Variants in KIAA1671 observed in about 807,000 individuals in gnomAD.
The protein encoded by KIAA1671 is KIAA1671.
A neutral mutation model predicts 131.2 loss-of-function variants in KIAA1671; 52 were observed. The ratio of observed to expected loss-of-function variants is 0.40; its 90% CI spans 0.32 to 0.50. The LOEUF (loss-of-function observed/expected upper bound fraction) is 0.50, where lower values mean the gene tolerates loss of function less well. KIAA1671 is among the 20% of genes least tolerant of loss of function. KIAA1671 has a pLI of 0.73. For synonymous variants in KIAA1671, 1,003 were observed against 961.6 expected, an observed-to-expected ratio of 1.04 and a Z score of -0.80; for missense variants, 2,360 against 2,364.2, an observed-to-expected ratio of 1.00 and a Z score of 0.04.
At chr22:25,078,253 A>G (rs1048828269) in intron 6 of KIAA1671, among the ~76,000 whole-genome samples, 1 of 152,130 alleles carries the variant, frequency 6.6e-6, no homozygotes, top group Admixed American at 6.5e-5. Flanking sequence ...GGCCAGGTGC[A>G]GTGGTTCACG....
rs1555956638 is a variant in KIAA1671 at position 25,033,585 on chromosome 22, T to TTTTTG, written c.1629+893_1629+894insGTTTT. ...GTTGGTTTGTTTTCGTTTTTTTTTT[T>TTTTTG]TTTTTTTTTTTTTGATGGAGTCTCC... On this transcript the variant is annotated intron_variant, in intron 4 of 12. Coordinates refer to ENST00000358431, the MANE Select transcript of KIAA1671 (RefSeq NM_001145206.2). Among the ~76,000 whole-genome samples the TTTTTG allele has an allele frequency of 7.3e-3, 914 of 125,628 alleles. 36 individuals are homozygous for TTTTTG. Among genetic ancestry groups the TTTTTG allele is most frequent in the Non-Finnish European group, 0.013 (760 of 59,660 alleles). The allele number at this position is 125,628 out of a possible 152,430, so 82.4% of individuals were successfully genotyped here. A position where few individuals can be genotyped will look rare whatever the true frequency, so the allele number is the denominator to read the frequency against.
At chr22:25,172,630 G>A (rs1601381151) in intron 7 of KIAA1671, among the ~76,000 whole-genome samples, 1 of 152,216 alleles carries the variant, frequency 6.6e-6, no homozygotes, top group East Asian at 1.9e-4. Context: ...CCATGACCTG[G>A]AGGCTTTGCT....
At chr22:25,184,362 G>A (rs1934397817) in intron 10 of KIAA1671, among the ~76,000 whole-genome samples, 1 of 152,186 alleles carries the variant, frequency 6.6e-6, no homozygotes, top group Non-Finnish European at 1.5e-5. Flanking sequence ...AAAAGTGATG[G>A]GTGATCAGTG....
intron 6 of KIAA1671, among the ~76,000 whole-genome samples, chr22:25,083,335 C>T (rs1041338487): frequency 2.2e-4 from 33 of 152,174 alleles, no homozygotes; most frequent in African/African-American, 6.0e-4. Context: ...AACCTAACAC[C>T]CTTATTTTAA....
chr22:25,151,429 CTTT>C (rs67444002), intron 6 of KIAA1671, among the ~76,000 whole-genome samples: 24 of 104,754 alleles, frequency 2.3e-4, no homozygotes, highest in Middle Eastern at 5.7e-3. Flanking sequence ...AACATGAACT[CTTT>C]TTTTTTTTTT....
intron 5 of KIAA1671, among the ~76,000 whole-genome samples, chr22:25,044,803 AT>A (rs1310190451): frequency 6.6e-6 from 1 of 152,180 alleles, no homozygotes; most frequent in Non-Finnish European, 1.5e-5. Flanking sequence ...TCACTTATCA[AT>A]CATATATATA....
rs183490938 is a variant in KIAA1671, at chr22:25,171,004, C to T, written c.4649+66C>T. 5.8e-5 allele frequency: 72 copies of T among 1,235,452 alleles called. No homozygotes were observed. In the African/African-American group the frequency reaches 8.4e-4, roughly 14 times the overall value. 76.5% of individuals were successfully genotyped at this position (1,235,452 alleles called of 1,614,324 possible). Reference sequence around the variant, plus strand: ...GCTGGGCTGGAGTTGCTGCAGCCCACCCACCTCCTGATTTCTATATTGCTA... The same window carrying T: ...GCTGGGCTGGAGTTGCTGCAGCCCATCCACCTCCTGATTTCTATATTGCTA... On this transcript the variant is annotated intron_variant, in intron 7 of 12. Transcript: ENST00000358431.
intron 6 of KIAA1671, among the ~76,000 whole-genome samples, chr22:25,166,260 T>C (rs1014777652): frequency 6.6e-6 from 1 of 152,126 alleles, no homozygotes; most frequent in Non-Finnish European, 1.5e-5. Context: ...ACCCTCAGTC[T>C]GGCATTAGGC....
intron 1 of KIAA1671, among the ~76,000 whole-genome samples, chr22:24,955,255 T>TG (rs1298135163): frequency 3.3e-5 from 5 of 152,250 alleles, no homozygotes; most frequent in Non-Finnish European, 7.3e-5. Flanking sequence ...CTTCAACAAA[T>TG]ATTTCAAGAC....
chr22:25,053,034 A>G (rs1602100823), intron 6 of KIAA1671: 1 of 152,198 alleles, frequency 6.6e-6, no homozygotes, highest in South Asian at 2.1e-4. Flanking sequence ...TTTTATTATT[A>G]TTTGCGGCCA....
intron 6 of KIAA1671, chr22:25,058,709 A>G (rs1436951472): frequency 6.6e-6 from 1 of 152,192 alleles, no homozygotes; most frequent in Non-Finnish European, 1.5e-5. Flanking sequence ...TAGGGGTGTA[A>G]CAGGGTCATG....
chr22:24,993,007 A>C (rs1449180580), intron 1 of KIAA1671, among the ~76,000 whole-genome samples: 1 of 151,850 alleles, frequency 6.6e-6, no homozygotes, highest in African/African-American at 2.4e-5. Flanking sequence ...CGCACTGTGG[A>C]CTACCAACCA....
intron 1 of KIAA1671, among the ~76,000 whole-genome samples, chr22:24,964,937 A>G (rs1922216561): frequency 6.6e-6 from 1 of 152,030 alleles, no homozygotes; most frequent in Non-Finnish European, 1.5e-5. Context: ...CTAGTGTTAG[A>G]TCCTGTTCCC....
In KIAA1671 at chr22:25,027,979, C is replaced by T. The variant is rs941579475; in HGVS notation, c.-21C>T. On this transcript the variant is annotated 5_prime_UTR_variant, in exon 3 of 13. Coordinates refer to ENST00000358431, the MANE Select transcript of KIAA1671 (RefSeq NM_001145206.2). ...CTCCATTCTTGAAGTTCCTAACCCC[C>T]ATGAATCCACAACCATAACCATGGC... 6.9e-7 allele frequency: 1 copy of T among 1,449,272 alleles called. No individual in the cohort carries two copies. Among genetic ancestry groups the T allele is most frequent in the African/African-American group, 1.4e-5 (1 of 69,754 alleles). The allele number at this position is 1,449,272 out of a possible 1,614,324, so 89.8% of individuals were successfully genotyped here. A position where few individuals can be genotyped will look rare whatever the true frequency, so the allele number is the denominator to read the frequency against.
At chr22:24,977,953 C>G (rs1923000548) in intron 1 of KIAA1671, among the ~76,000 whole-genome samples, 1 of 152,166 alleles carries the variant, frequency 6.6e-6, no homozygotes. Flanking sequence ...TTCAGAACCT[C>G]AGGGCTCCAG....
intron 6 of KIAA1671, among the ~76,000 whole-genome samples, chr22:25,088,789 A>G (rs1056396538): frequency 2.6e-5 from 4 of 152,204 alleles, no homozygotes; most frequent in African/African-American, 9.6e-5. Context: ...TGACAGGTTC[A>G]TGTGTCTCCT....
chr22:25,190,509 C>A (rs1264988960), intron 11 of KIAA1671, among the ~76,000 whole-genome samples, 193 bp from the exon 12 acceptor site: 1 of 152,182 alleles, frequency 6.6e-6, no homozygotes, highest in Non-Finnish European at 1.5e-5. Flanking sequence ...TAATATTCCC[C>A]ATTGTTGGAC....
intron 6 of KIAA1671, among the ~76,000 whole-genome samples, chr22:25,125,915 T>A (rs1160044006): frequency 1.3e-5 from 2 of 152,234 alleles, no homozygotes; most frequent in Non-Finnish European, 2.9e-5. Context: ...GAACCTTTGA[T>A]TCCTGGTGTA....
intron 6 of KIAA1671, among the ~76,000 whole-genome samples, chr22:25,095,013 C>T (rs1930328688): frequency 6.6e-6 from 1 of 152,158 alleles, no homozygotes; most frequent in Non-Finnish European, 1.5e-5. Flanking sequence ...GAGTCTGTCT[C>T]AGGTGGTGTT....
Sources: gnomAD v4.1 joint callset for allele counts (sites outside exome capture counted in the v4.1 genomes callset) on GRCh38, gnomAD v4.1.1 for gene constraint, MANE v1.5 for transcripts, NCBI Gene and HGNC (gene_info 2026-07-23, HGNC 2026-07-21) for gene names.